Variants in AIFM1 observed in about 807,000 individuals in gnomAD.
The protein encoded by AIFM1 is apoptosis-inducing factor 1, mitochondrial.
A neutral mutation model predicts 51.7 loss-of-function variants in AIFM1; 3 were observed. The observed-to-expected ratio is 0.06, with a 90% CI of 0.03 to 0.15. The LOEUF is 0.15. Among genes scored for constraint, AIFM1 ranks in the 10% least tolerant of loss-of-function variants. AIFM1 has a pLI of 1.00. For synonymous variants in AIFM1, 178 were observed against 179.4 expected (o/e 0.99, Z 0.06); for missense variants, 330 against 476.8 (o/e 0.69, Z 2.87).
rs907702631 is a variant in AIFM1 at position 130,138,648 on chromosome X, C to T, written c.912G>A (p.Thr304=). 2 of 1,210,728 alleles carry T rather than the reference C, an allele frequency of 1.7e-6. No individual in the cohort carries two copies. The highest frequency in any genetic ancestry group is 3.5e-5 in the South Asian group (2 of 56,936). ...EKISREVKSI[T]IIGGGFLGSE... is the part of the protein sequence containing the mutation. ...TACCAAGGAAGCCCCCACCGATAAT[C>T]GTAATTGATTTGACTTCCCGTGAAA... Residue 304 remains threonine (T), a synonymous_variant, in exon 9 of 16, where the codon ACG becomes ACA. Coordinates refer to ENST00000287295, the MANE Select transcript of AIFM1 (RefSeq NM_004208.4).
At chrX:130,155,441 T>C (rs995592157) in intron 2 of AIFM1, among the ~76,000 whole-genome samples, 3 of 112,579 alleles carry the variant, frequency 2.7e-5, no homozygotes, top group Non-Finnish European at 5.6e-5. Context: ...TTGCAGAATG[T>C]GTATTTCATC....
intron 1 of AIFM1, among the ~76,000 whole-genome samples, chrX:130,164,945 T>G (rs1288323257): frequency 1.8e-5 from 2 of 110,221 alleles, no homozygotes; most frequent in African/African-American, 6.6e-5. Flanking sequence ...TACAATGCGT[T>G]CTGCAAACTG....
At chrX:130,143,330 AAAC>A (rs2030642923) in intron 6 of AIFM1, among the ~76,000 whole-genome samples, 2 of 112,007 alleles carry the variant, frequency 1.8e-5, no homozygotes, top group Non-Finnish European at 3.8e-5. Context: ...TAATGGTCCA[AAAC>A]TGAATTTTAT....
At chrX:130,142,113 G>A (rs2030597682) in intron 6 of AIFM1, among the ~76,000 whole-genome samples, 1 of 112,068 alleles carries the variant, frequency 8.9e-6, no homozygotes, top group Non-Finnish European at 1.9e-5. Context: ...AGTGATCCTT[G>A]CTGCTTTCAG....
In AIFM1 at chrX:130,147,842, C is replaced by T. The variant is rs1032900808; in HGVS notation, c.384G>A (p.Ala128=). The change falls in exon 4 of 16, where the codon GCG becomes GCA. Residue 128 remains alanine (A), a synonymous_variant. Transcript: ENST00000287295. ...SEGEEVPQDK[A]PSHVPFLLIG... is the part of the protein sequence containing the mutation. ...TTAGCAGGAAAGGAACATGACTTGG[C>T]GCCTTGTCTTGAGGAACTTCCTCTC... 6.6e-6 allele frequency: 8 copies of T among 1,210,119 alleles called. No homozygotes were observed. The highest frequency in any genetic ancestry group is 5.9e-5 in the East Asian group (2 of 33,783).
At chrX:130,157,307 A>G (rs1177657877) in intron 1 of AIFM1, among the ~76,000 whole-genome samples, 1 of 112,612 alleles carries the variant, frequency 8.9e-6, no homozygotes, top group Admixed American at 9.4e-5. Context: ...TGTGATGATC[A>G]TAACAGCACC....
At chrX:130,164,347 C>T (rs1029722796) in intron 1 of AIFM1, among the ~76,000 whole-genome samples, 10 of 112,351 alleles carry the variant, frequency 8.9e-5, no homozygotes, top group African/African-American at 3.2e-4. Context: ...CTCAAATACA[C>T]CTATCAGGAA....
In AIFM1 at chrX:130,149,453, T is replaced by C; in HGVS notation, c.349+16A>G. The C allele has an allele frequency of 8.5e-7, 1 of 1,182,124 alleles. No individual in the cohort carries two copies. Among genetic ancestry groups the C allele is most frequent in the Non-Finnish European group, 1.2e-6 (1 of 868,552 alleles). On this transcript the variant is annotated intron_variant, in intron 3 of 15. Coordinates refer to ENST00000287295, the MANE Select transcript of AIFM1 (RefSeq NM_004208.4). ...TGTGAGTCTCAAATCATAGCAAGAC[T>C]TAAGGGAATACTCACCAGATAACGC...
At chrX:130,138,455 A>C in intron 9 of AIFM1, 138 bp downstream of exon 9, 1 of 495,570 alleles carries the variant, frequency 2.0e-6, no homozygotes, top group Non-Finnish European at 3.5e-6. Flanking sequence ...ACAGAGCGAG[A>C]CTCCATCTCA....
At chrX:130,143,432 A>G (rs2030646898) in intron 6 of AIFM1, among the ~76,000 whole-genome samples, 1 of 111,851 alleles carries the variant, frequency 8.9e-6, no homozygotes, top group Non-Finnish European at 1.9e-5. Flanking sequence ...GCTAGAAATT[A>G]GAAAATCATC....
intron 6 of AIFM1, among the ~76,000 whole-genome samples, chrX:130,141,116 AAAAAC>A (rs747792361): frequency 8.9e-6 from 1 of 112,154 alleles, no homozygotes; most frequent in Non-Finnish European, 1.9e-5. Context: ...ATTCTGTCTC[AAAAAC>A]AAAACAAAAC....
At chrX:130,153,336 CAG>C (rs1376390829) in intron 2 of AIFM1, among the ~76,000 whole-genome samples, 9 of 79,459 alleles carry the variant, frequency 1.1e-4, no homozygotes, top group Admixed American at 3.6e-4. Context: ...CTGGGCGACA[CAG>C]AGAGACTCCG....
intron 6 of AIFM1, among the ~76,000 whole-genome samples, chrX:130,143,989 A>C (rs5977212): frequency 0.028 from 3,142 of 111,949 alleles, 99 homozygotes; most frequent in African/African-American, 0.092. Context: ...ATGTGAGTTT[A>C]GGCAAATTAT....
intron 13 of AIFM1, 70 bp from the exon 14 acceptor site, chrX:130,131,869 G>T: frequency 8.6e-7 from 1 of 1,159,235 alleles, no homozygotes; most frequent in South Asian, 1.9e-5. Context: ...TATTCTCCAT[G>T]ACACTGCATT....
chrX:130,160,939 G>GT lies in AIFM1; in HGVS notation c.107-4337dup, dbSNP rs747410547. Reference sequence around the variant, plus strand: ...ATAAAATGAAAAAATAAACTTAAGAGTTTTTTTTAAAAAAAGCTTTAGCCA... The same window carrying GT: ...ATAAAATGAAAAAATAAACTTAAGAGTTTTTTTTTAAAAAAAGCTTTAGCCA... On this transcript the variant is annotated intron_variant, in intron 1 of 15. Transcript: ENST00000287295. Among the ~76,000 whole-genome samples the GT allele has an allele frequency of 4.8e-3, 522 of 109,687 alleles. 3 individuals are homozygous for GT. The highest frequency in any genetic ancestry group is 0.016 in the African/African-American group (468 of 30,121).
chrX:130,154,936 T>C (rs1395078589), intron 2 of AIFM1, among the ~76,000 whole-genome samples: 3 of 112,607 alleles, frequency 2.7e-5, no homozygotes, highest in Non-Finnish European at 5.6e-5. Flanking sequence ...GGATTTGTGA[T>C]CATCATTAGA....
intron 2 of AIFM1, among the ~76,000 whole-genome samples, chrX:130,149,794 A>G (rs1198927553): frequency 8.9e-6 from 1 of 112,275 alleles, no homozygotes; most frequent in African/African-American, 3.2e-5. Flanking sequence ...TTCCAGTTTC[A>G]GATTTTTAGG....
intron 2 of AIFM1, among the ~76,000 whole-genome samples, chrX:130,156,145 T>A (rs954662481): frequency 8.9e-6 from 1 of 111,923 alleles, no homozygotes; most frequent in African/African-American, 3.2e-5. Flanking sequence ...TATTCACAGG[T>A]TAGTGTGTGA....
intron 2 of AIFM1, among the ~76,000 whole-genome samples, chrX:130,154,510 G>A (rs2031101042): frequency 8.9e-6 from 1 of 112,503 alleles, no homozygotes; most frequent in Non-Finnish European, 1.9e-5. Flanking sequence ...AGGCATTACA[G>A]AAAGCAATCT....
Sources: gnomAD v4.1 joint callset for allele counts (sites outside exome capture counted in the v4.1 genomes callset) on GRCh38, gnomAD v4.1.1 for gene constraint, MANE v1.5 for transcripts, NCBI Gene and HGNC (gene_info 2026-07-23, HGNC 2026-07-21) for gene names.